The following ICAM2 variants were observed in gnomAD, a reference collection of about 807,000 sequenced individuals.
The protein encoded by ICAM2 is intercellular adhesion molecule 2, also known as ICAM-2.
Under a neutral mutation model 19.1 loss-of-function variants are expected in ICAM2, and 14 were observed. The ratio of observed to expected loss-of-function variants is 0.73; its 90% confidence interval spans 0.48 to 1.15. The LOEUF (loss-of-function observed/expected upper bound fraction) is 1.15, where lower values mean the gene tolerates loss of function less well. ICAM2 is among the 50% of genes most tolerant of loss of function. The pLI, the probability that ICAM2 is intolerant of heterozygous loss-of-function variation, is 0.00. For missense variants in ICAM2, 311 were observed against 355.4 expected (o/e 0.88, Z 1.00); for synonymous variants, 153 against 152.7 (o/e 1.00, Z -0.01).
chr17:64,018,598 C>T (rs1911811363), intron 1 of ICAM2, among the ~76,000 whole-genome samples: 1 of 151,498 alleles, frequency 6.6e-6, no homozygotes, highest in Non-Finnish European at 1.5e-5. Context: ...GATAATTAGG[C>T]ATTATCTTGT....
In ICAM2 at chr17:64,008,293, C is replaced by T. The variant is rs114929097; in HGVS notation, c.-44-1558G>A. Among the ~76,000 whole-genome samples, 597 of 152,218 alleles carry T rather than the reference C, an allele frequency of 3.9e-3. 6 individuals carry two copies. Among genetic ancestry groups the T allele is most frequent in the African/African-American group, 0.014 (577 of 41,550 alleles). On this transcript the variant is annotated intron_variant, in intron 1 of 4. Coordinates refer to ENST00000579788, the MANE Select transcript of ICAM2 (RefSeq NM_001099789.2). ...GAAGGAATCTGATTTCATGTGGGGC[C>T]AGCAAAGTCCTGAGAGCAGGAAACA...
At position 64,006,338 on chromosome 17, in the gene ICAM2, A is replaced by G. The variant is rs1911206199; in HGVS notation, c.61+293T>C. ...TTCGAGACCAGCCCCTGCCATCTCT[A>G]CAAAAAATACAAAAATTAGCTGGGC... On this transcript the variant is annotated intron_variant, in intron 2 of 4. Transcript: ENST00000579788. 2.2e-5 allele frequency: 7 copies of G among 321,614 alleles called. No individual in the cohort carries two copies. In the South Asian group the frequency reaches 4.1e-4, roughly 19 times the overall value. The allele number at this position is 321,614 out of a possible 1,614,324, so 19.9% of individuals were successfully genotyped here. A position where few individuals can be genotyped will look rare whatever the true frequency, so the allele number is the denominator to read the frequency against.
At chr17:64,018,627 C>T (rs1230261940) in intron 1 of ICAM2, among the ~76,000 whole-genome samples, 1 of 151,422 alleles carries the variant, frequency 6.6e-6, no homozygotes, top group African/African-American at 2.4e-5. Flanking sequence ...TATTCTTATA[C>T]CCTGTAACTC....
rs141021825 is a variant in ICAM2 at position 64,014,991 on chromosome 17, T to A, written c.-45+5532A>T. On this transcript the variant is annotated intron_variant, in intron 1 of 4. Transcript: ENST00000579788. The stretch of plus-strand genomic sequence containing the variant: ...AGGCAAGTCTCCAGTGAAATCGATA[T>A]ATAAAGAAAAAGAAGGCATGCGTAA... 2.3e-3 allele frequency among the ~76,000 whole-genome samples: 352 copies of A among 152,092 alleles called. 2 individuals carry two copies. Among genetic ancestry groups the A allele is most frequent in the African/African-American group, 8.0e-3 (332 of 41,494 alleles).
Position 64,002,811 on chromosome 17 carries a change from T to C in ICAM2, c.764A>G (p.Gln255Arg). 6.2e-7 allele frequency: 1 copy of C among 1,613,842 alleles called. No individual in the cohort carries two copies. Among genetic ancestry groups the C allele is most frequent in the Non-Finnish European group, 8.5e-7 (1 of 1,179,992 alleles). The change falls in exon 5 of 5, where the codon CAG (glutamine) becomes CGG (arginine). Residue 255 changes from glutamine to arginine, a missense_variant. Gln to Arg is a conservative substitution (Grantham distance 43, BLOSUM62 1). Coordinates refer to ENST00000579788, the MANE Select transcript of ICAM2 (RefSeq NM_001099789.2). ...TCGCACCCCGTAGGTGCCCATCCGC[T>C]GCTGGCGCAAGTGCTGGCCGAAGAT... ...CFIFGQHLRQ[Q>R]RMGTYGVRAA...
chr17:64,010,110 G>A (rs1383523559), intron 1 of ICAM2, among the ~76,000 whole-genome samples: 3 of 152,122 alleles, frequency 2.0e-5, no homozygotes, highest in Admixed American at 6.5e-5. Flanking sequence ...TGGATTTGAC[G>A]GTCTCCCCGA....
chr17:64,015,306 T>G (rs1911678216), intron 1 of ICAM2, among the ~76,000 whole-genome samples: 1 of 152,168 alleles, frequency 6.6e-6, no homozygotes, highest in Non-Finnish European at 1.5e-5. Context: ...TAAAGAAGAC[T>G]ATAAAAAAGT....
intron 1 of ICAM2, among the ~76,000 whole-genome samples, chr17:64,014,708 AG>A (rs1400851099): frequency 0.14 from 1,734 of 12,292 alleles, 22 homozygotes; most frequent in African/African-American, 0.15. Context: ...GAAGGAAGGA[AG>A]GAAGGAAGGA....
chr17:64,003,924 CA>C lies in ICAM2; in HGVS notation c.368del (p.Leu123TrpfsTer74), dbSNP rs1233989815. Reference sequence around the variant, plus strand: ...TGGTGAAGGACTTGCCCACAGCCACCAAAGTGGGTTGCAGTGTCAGGATGAC... The same window carrying C: ...TGGTGAAGGACTTGCCCACAGCCACCAAGTGGGTTGCAGTGTCAGGATGAC... ...RQVILTLQPT[L>X]VAVGKSFTIE... On this transcript the variant is annotated frameshift_variant, in exon 4 of 5. Coordinates refer to ENST00000579788, the MANE Select transcript of ICAM2 (RefSeq NM_001099789.2). LOFTEE classifies it high-confidence loss of function. 4.3e-6 allele frequency: 7 copies of C among 1,613,834 alleles called. No homozygotes were observed.
At chr17:64,004,999 C>A in intron 3 of ICAM2, 108 bp downstream of exon 3, 1 of 1,299,758 alleles carries the variant, frequency 7.7e-7, no homozygotes, top group Non-Finnish European at 1.1e-6. Flanking sequence ...GGAGGCAGGG[C>A]CCCACGATGA....
intron 4 of ICAM2, 126 bp downstream of exon 4, chr17:64,003,518 G>A: frequency 1.2e-6 from 1 of 840,736 alleles, no homozygotes; most frequent in Non-Finnish European, 1.9e-6. Flanking sequence ...AGAGTAAGAG[G>A]GAAGCCTCAG....
intron 1 of ICAM2, among the ~76,000 whole-genome samples, chr17:64,014,019 G>A (rs1184363932): frequency 3.9e-5 from 6 of 152,044 alleles, no homozygotes; most frequent in Admixed American, 3.9e-4. Context: ...ATATTTGACA[G>A]TTTAAAAACA....
chr17:64,018,677 A>G (rs1911815128), intron 1 of ICAM2, among the ~76,000 whole-genome samples: 1 of 147,928 alleles, frequency 6.8e-6, no homozygotes, highest in Non-Finnish European at 1.5e-5. Flanking sequence ...AAACGCTGTC[A>G]CACTAAGAAC....
chr17:64,014,351 G>T (rs1022058397), intron 1 of ICAM2, among the ~76,000 whole-genome samples: 1 of 50,448 alleles, frequency 2.0e-5, no homozygotes, highest in African/African-American at 6.4e-5. Context: ...AAGAAAGAAA[G>T]AAAGAAAGAA....
intron 3 of ICAM2, chr17:64,004,890 C>G: frequency 1.6e-6 from 1 of 611,382 alleles, no homozygotes; most frequent in Non-Finnish European, 2.9e-6. Context: ...CTAAGCAAGA[C>G]TCAAAATGTG....
chr17:64,017,152 A>C (rs1262590974), intron 1 of ICAM2, among the ~76,000 whole-genome samples: 1 of 152,216 alleles, frequency 6.6e-6, no homozygotes, highest in Non-Finnish European at 1.5e-5. Flanking sequence ...GAAGGAAGGA[A>C]GGAAAGGCGA....
chr17:64,009,430 C>T (rs950271756), intron 1 of ICAM2, among the ~76,000 whole-genome samples: 8 of 151,974 alleles, frequency 5.3e-5, no homozygotes, highest in Admixed American at 2.0e-4. Flanking sequence ...AGGATGGGCA[C>T]TTTGAGTTAG....
chr17:64,004,209 CAGCCAACTGGAAA>C, intron 3 of ICAM2: 1 of 511,730 alleles, frequency 2.0e-6, no homozygotes, highest in South Asian at 3.0e-5. Flanking sequence ...AGAAATTGTA[CAGCCAACTGGAAA>C]GATATAAAAG....
intron 2 of ICAM2, 114 bp downstream of exon 2, chr17:64,006,517 A>C (rs1911216346): frequency 4.7e-6 from 4 of 852,488 alleles, no homozygotes; most frequent in Non-Finnish European, 7.5e-6. Flanking sequence ...AAAAAAACCT[A>C]AGAACCTCAG....
Sources: gnomAD v4.1 joint callset for allele counts (sites outside exome capture counted in the v4.1 genomes callset) on GRCh38, gnomAD v4.1.1 for gene constraint, MANE v1.5 for transcripts, NCBI Gene and HGNC (gene_info 2026-07-23, HGNC 2026-07-21) for gene names.